SNTG2: variants seen among roughly 807,000 people sequenced by gnomAD.
SNTG2 encodes the protein gamma-2-syntrophin.
A neutral mutation model predicts 70.9 loss-of-function variants in SNTG2; 74 were observed. The observed-to-expected ratio is 1.04, with a 90% CI of 0.86 to 1.27. The LOEUF (loss-of-function observed/expected upper bound fraction) is 1.27, where lower values mean the gene tolerates loss of function less well. Ranked by LOEUF, SNTG2 falls within the 50% of genes most tolerant of loss-of-function variation. The pLI, the probability that SNTG2 is intolerant of heterozygous loss-of-function variation, is 0.00. For missense variants in SNTG2, 717 were observed against 690.7 expected, an observed-to-expected ratio of 1.04 and a Z score of -0.43; for synonymous variants, 278 against 273.8, an observed-to-expected ratio of 1.02 and a Z score of -0.15.
chr2:960,239 G>A (rs73908624), intron 1 of SNTG2, among the ~76,000 whole-genome samples: 1,615 of 152,268 alleles, frequency 0.011, 32 homozygotes, highest in African/African-American at 0.037. Context: ...GGGTGACAGT[G>A]TTGCTTAGGA....
At chr2:1,243,975 A>G (rs1317779153) in intron 11 of SNTG2, among the ~76,000 whole-genome samples, 2 of 152,266 alleles carry the variant, frequency 1.3e-5, no homozygotes. Flanking sequence ...GCAGTGAGCC[A>G]AGAGCGTGCC....
chr2:1,121,708 C>T (rs1173036550), intron 4 of SNTG2, among the ~76,000 whole-genome samples: 2 of 152,088 alleles, frequency 1.3e-5, no homozygotes, highest in East Asian at 3.9e-4. Context: ...CTTGTAGAAC[C>T]ATCAGACCTT....
At chr2:1,179,510 G>A (rs1211075730) in intron 8 of SNTG2, among the ~76,000 whole-genome samples, 2 of 151,946 alleles carry the variant, frequency 1.3e-5, no homozygotes, top group African/African-American at 2.4e-5. Flanking sequence ...AACTTACAAG[G>A]GATGTGAAGG....
rs765634870 is a variant in SNTG2 at position 1,066,048 on chromosome 2, AT to A, written c.73-17468del. ...AGAAATTGTGGTTTCAGACCATGAA[AT>A]TCAAATCATTATAACTAGGCTCACA... On this transcript the variant is annotated intron_variant, in intron 1 of 16. Transcript: ENST00000308624. Among the ~76,000 whole-genome samples, 93 of 152,236 alleles carry A rather than the reference AT, an allele frequency of 6.1e-4. 1 individual carries two copies. The highest frequency in any genetic ancestry group is 2.3e-3 in the Admixed American group (35 of 15,280).
chr2:1,116,582 A>G (rs1443393879), intron 4 of SNTG2, among the ~76,000 whole-genome samples: 21 of 90,532 alleles, frequency 2.3e-4, no homozygotes, highest in South Asian at 4.3e-4. Flanking sequence ...GCCCTGGTGT[A>G]CGGGTGCCCC....
Position 1,353,682 on chromosome 2 carries a change from C to G in SNTG2, c.1489-13661C>G, listed in dbSNP as rs1660699515. The G allele has an allele frequency of 6.6e-6, 1 of 152,148 alleles. No individual in the cohort carries two copies. Among genetic ancestry groups the G allele is most frequent in the Non-Finnish European group, 1.5e-5 (1 of 68,044 alleles). The allele number at this position is 152,148 out of a possible 1,614,324, so 9.4% of individuals were successfully genotyped here. A position where few individuals can be genotyped will look rare whatever the true frequency, so the allele number is the denominator to read the frequency against. On this transcript the variant is annotated intron_variant, in intron 16 of 16. Coordinates refer to ENST00000308624, the MANE Select transcript of SNTG2 (RefSeq NM_018968.4). The surrounding 1 kb of genome is among the most constrained non-coding windows in gnomAD (Gnocchi z 4.2). ...TTGACTTCACCTTTGCCCCCTTTCC[C>G]ATAGGGCCATTAGGTAATGATTGGG...
chr2:1,139,697 C>T (rs898564817), intron 6 of SNTG2, among the ~76,000 whole-genome samples: 15 of 151,958 alleles, frequency 9.9e-5, no homozygotes, highest in African/African-American at 3.4e-4. Flanking sequence ...GGCATGGTGG[C>T]GCATACCTGT....
intron 14 of SNTG2, among the ~76,000 whole-genome samples, chr2:1,280,421 A>G (rs1282984964): frequency 6.6e-6 from 1 of 152,216 alleles, no homozygotes; most frequent in African/African-American, 2.4e-5. Context: ...AACCACCAAG[A>G]TAATTGTGTG....
chr2:1,047,312 C>A (rs1661795222), intron 1 of SNTG2, among the ~76,000 whole-genome samples: 1 of 152,200 alleles, frequency 6.6e-6, no homozygotes, highest in South Asian at 2.1e-4. Context: ...TCCTGATGAT[C>A]TTCCTTGCCA....
chr2:1,213,760 A>T (rs953794604), intron 9 of SNTG2, among the ~76,000 whole-genome samples: 2 of 152,232 alleles, frequency 1.3e-5, no homozygotes, highest in African/African-American at 4.8e-5. Flanking sequence ...CAGAGCAAAC[A>T]TGCAAACCTC....
intron 1 of SNTG2, among the ~76,000 whole-genome samples, chr2:956,315 C>T (rs947151297): frequency 2.1e-4 from 32 of 151,892 alleles, no homozygotes; most frequent in African/African-American, 6.5e-4. Flanking sequence ...GGGCATTCTG[C>T]GCGGACCTTT....
At chr2:1,334,900 A>G (rs1489450345) in intron 16 of SNTG2, among the ~76,000 whole-genome samples, 3 of 152,210 alleles carry the variant, frequency 2.0e-5, no homozygotes, top group East Asian at 1.9e-4. Context: ...CAACTTAACC[A>G]TGTAACCAAA....
intron 9 of SNTG2, among the ~76,000 whole-genome samples, chr2:1,220,702 A>T (rs1674696699): frequency 6.6e-6 from 1 of 152,250 alleles, no homozygotes. Flanking sequence ...TTAGATCTCT[A>T]CAAACGCCCA....
intron 1 of SNTG2, among the ~76,000 whole-genome samples, chr2:1,055,296 G>A (rs557289925): frequency 1.3e-5 from 2 of 152,198 alleles, no homozygotes; most frequent in Admixed American, 6.5e-5. Flanking sequence ...CGCTCTGCTC[G>A]GGGCTTCTTT....
chr2:1,002,083 C>T (rs1287502948), intron 1 of SNTG2, among the ~76,000 whole-genome samples: 1 of 152,132 alleles, frequency 6.6e-6, no homozygotes, highest in Non-Finnish European at 1.5e-5. Context: ...CAGCTGGATC[C>T]ATAGCTCTCA....
intron 7 of SNTG2, among the ~76,000 whole-genome samples, chr2:1,166,469 C>T (rs1670713675): frequency 6.6e-6 from 1 of 152,190 alleles, no homozygotes; most frequent in African/African-American, 2.4e-5. Context: ...GTTTTACTTT[C>T]TCTCTCTCTT....
chr2:1,241,112 A>C (rs66707727), intron 11 of SNTG2, among the ~76,000 whole-genome samples: 16,615 of 152,240 alleles, frequency 0.11, 946 homozygotes, highest in South Asian at 0.15. Context: ...TCACACACGC[A>C]AAATTAGCAA....
intron 1 of SNTG2, among the ~76,000 whole-genome samples, chr2:960,623 G>T (rs992111850): frequency 2.0e-5 from 3 of 150,128 alleles, no homozygotes; most frequent in Non-Finnish European, 4.4e-5. Context: ...GAGCTCTGAG[G>T]GTTCCCGGGC....
At chr2:1,019,907 G>T (rs1660065988) in intron 1 of SNTG2, among the ~76,000 whole-genome samples, 1 of 152,136 alleles carries the variant, frequency 6.6e-6, no homozygotes, top group African/African-American at 2.4e-5. Flanking sequence ...GCCGGGTGTG[G>T]TGGCGGGCAC....
Sources: allele counts gnomAD v4.1 joint callset (sites outside exome capture counted in the v4.1 genomes callset), GRCh38; gene constraint gnomAD v4.1.1; non-coding constraint Gnocchi (gnomAD v3.1); transcripts MANE v1.5; gene names NCBI Gene and HGNC (gene_info 2026-07-23, HGNC 2026-07-21).